Variants in ANXA5 observed in about 807,000 individuals in gnomAD.
The protein encoded by ANXA5 is CBP-I.
In ANXA5, 40 loss-of-function variants were observed where a neutral mutation model predicts 48.1. That is an observed-to-expected ratio of 0.83 (90% CI 0.65 to 1.08). The LOEUF is 1.08. Ranked by LOEUF, ANXA5 falls within the 50% of genes least tolerant of loss-of-function variation. ANXA5 has a pLI of 0.00. For synonymous variants in ANXA5, 113 were observed against 129.1 expected (o/e 0.88, Z 0.85); for missense variants, 357 against 376.8 (o/e 0.95, Z 0.44).
At chr4:121,672,471 C>A (rs1402719083) in intron 9 of ANXA5, 62 bp downstream of exon 9, 1 of 1,161,478 alleles carries the variant, frequency 8.6e-7, no homozygotes, top group African/African-American at 1.5e-5. Context: ...TTCTGTCACA[C>A]TGGCTCATGC....
At chr4:121,693,101 G>A (rs1366266930) in intron 2 of ANXA5, among the ~76,000 whole-genome samples, 1 of 152,182 alleles carries the variant, frequency 6.6e-6, no homozygotes, top group Non-Finnish European at 1.5e-5. Flanking sequence ...AGGCGTGGTG[G>A]CACATGCCTC....
rs1724577565 is a variant in ANXA5, at chr4:121,669,592, G to A, written c.903+10C>T. The A allele has an allele frequency of 1.9e-6, 3 of 1,613,102 alleles. No individual in the cohort carries two copies. Among genetic ancestry groups the A allele is most frequent in the Non-Finnish European group, 2.5e-6 (3 of 1,179,574 alleles). ...ATTCCCAAACGTAATTTAAAGAAAG[G>A]TTCTACTACCTTAATCATGGAATAA... On this transcript the variant is annotated intron_variant, in intron 12 of 12. Coordinates refer to ENST00000296511, the MANE Select transcript of ANXA5 (RefSeq NM_001154.4).
At chr4:121,672,246 T>C (rs1228867137) in intron 9 of ANXA5, among the ~76,000 whole-genome samples, 1 of 152,154 alleles carries the variant, frequency 6.6e-6, no homozygotes, top group Non-Finnish European at 1.5e-5. Context: ...GAAATACGTG[T>C]AGTGAGCCAC....
At chr4:121,683,858 T>C (rs1289067936) in intron 4 of ANXA5, among the ~76,000 whole-genome samples, 2 of 152,154 alleles carry the variant, frequency 1.3e-5, no homozygotes, top group Non-Finnish European at 2.9e-5. Context: ...TAGTCTCTCA[T>C]ACCCAAACGT....
intron 5 of ANXA5, among the ~76,000 whole-genome samples, chr4:121,683,060 T>C (rs1357482134): frequency 6.6e-6 from 1 of 152,130 alleles, no homozygotes; most frequent in Non-Finnish European, 1.5e-5. Flanking sequence ...AGCTCATCTG[T>C]AATATTTTTT....
At chr4:121,694,189 G>GTATACA (rs1424201352) in intron 2 of ANXA5, among the ~76,000 whole-genome samples, 1 of 150,780 alleles carries the variant, frequency 6.6e-6, no homozygotes, top group Non-Finnish European at 1.5e-5. Context: ...ATGGCACCAT[G>GTATACA]TATACATATG....
intron 5 of ANXA5, among the ~76,000 whole-genome samples, 162 bp downstream of exon 5, chr4:121,683,202 C>CT (rs1233451291): frequency 6.6e-6 from 1 of 152,072 alleles, no homozygotes; most frequent in Non-Finnish European, 1.5e-5. Context: ...GTGTAATTTT[C>CT]TCCCTCCTTT....
At chr4:121,696,782 G>T (rs1225292859) in intron 1 of ANXA5, 81 bp downstream of exon 1, 4 of 410,280 alleles carry the variant, frequency 9.7e-6, no homozygotes, top group Non-Finnish European at 8.7e-6. Flanking sequence ...GCTCTCGGCC[G>T]AGCGTCCGCG....
intron 2 of ANXA5, among the ~76,000 whole-genome samples, chr4:121,692,745 T>A (rs1267470152): frequency 2.0e-5 from 3 of 152,206 alleles, no homozygotes; most frequent in African/African-American, 7.2e-5. Context: ...ACAAAAATAG[T>A]AATACCTATT....
intron 5 of ANXA5, among the ~76,000 whole-genome samples, chr4:121,682,683 C>T (rs1030873292): frequency 2.6e-5 from 4 of 152,104 alleles, no homozygotes; most frequent in African/African-American, 9.7e-5. Context: ...CTCTCCACTC[C>T]ATCAGTAAGA....
intron 2 of ANXA5, 39 bp from the exon 3 acceptor site, chr4:121,686,411 C>A (rs1489089621): frequency 4.9e-6 from 7 of 1,417,330 alleles, no homozygotes; most frequent in South Asian, 1.2e-5. Context: ...CATATCATGA[C>A]TAATATGACA....
At chr4:121,695,281 A>G (rs1448679386) in intron 2 of ANXA5, among the ~76,000 whole-genome samples, 1 of 152,236 alleles carries the variant, frequency 6.6e-6, no homozygotes, top group Admixed American at 6.5e-5. Context: ...AGTGCAAAAG[A>G]GGAGGTAAGA....
At chr4:121,695,430 T>G (rs1725062678) in intron 2 of ANXA5, among the ~76,000 whole-genome samples, 1 of 152,216 alleles carries the variant, frequency 6.6e-6, no homozygotes, top group Admixed American at 6.5e-5. Context: ...GAGACAGCAT[T>G]GTTTTAGCAG....
rs925898361 is a variant in ANXA5, at chr4:121,672,737, T to G, written c.532-111A>C. 4 of 753,048 alleles carry G rather than the reference T, an allele frequency of 5.3e-6. No individual in the cohort carries two copies. The African/African-American group carries it at 7.0e-5, about 13-fold the overall frequency. 46.6% of individuals were successfully genotyped at this position (753,048 alleles called of 1,614,324 possible). A position where few individuals can be genotyped will look rare whatever the true frequency, so the allele number is the denominator to read the frequency against. ...TTTTAACTCACTTGATTCATCATCT[T>G]GTATTAATAGTTTTCATTTCTAATG... On this transcript the variant is annotated intron_variant, in intron 8 of 12. Transcript: ENST00000296511.
At chr4:121,691,980 C>G (rs534467181) in intron 2 of ANXA5, among the ~76,000 whole-genome samples, 2 of 152,292 alleles carry the variant, frequency 1.3e-5, no homozygotes, top group South Asian at 4.1e-4. Flanking sequence ...AGGTCAGAGA[C>G]ATGCTCTCAA....
At chr4:121,678,231 G>A in intron 7 of ANXA5, 184 bp downstream of exon 7, 1 of 619,482 alleles carries the variant, frequency 1.6e-6, no homozygotes, top group Admixed American at 3.0e-5. Flanking sequence ...TAGCTGTTAA[G>A]AATTTAGACC....
chr4:121,678,560 T>C, intron 6 of ANXA5, 66 bp from the exon 7 acceptor site: 1 of 1,286,318 alleles, frequency 7.8e-7, no homozygotes, highest in South Asian at 1.3e-5. Flanking sequence ...CTTGCCCCAT[T>C]AATCAAATGA....
chr4:121,687,226 G>A (rs1266319974), intron 2 of ANXA5, among the ~76,000 whole-genome samples: 1 of 151,570 alleles, frequency 6.6e-6, no homozygotes, highest in African/African-American at 2.4e-5. Context: ...TGTGAACCTG[G>A]GAGGCGGAGC....
chr4:121,669,852 G>C, intron 11 of ANXA5, 102 bp downstream of exon 11: 1 of 1,452,454 alleles, frequency 6.9e-7, no homozygotes, highest in Non-Finnish European at 9.5e-7. Flanking sequence ...ATGTTATAAG[G>C]GAAAAATTCC....
Sources: allele counts gnomAD v4.1 joint callset (sites outside exome capture counted in the v4.1 genomes callset), GRCh38; gene constraint gnomAD v4.1.1; transcripts MANE v1.5; gene names NCBI Gene and HGNC (gene_info 2026-07-23, HGNC 2026-07-21).